WWC2: variants seen among roughly 807,000 people sequenced by gnomAD.
WWC2 encodes the protein protein WWC2.
A neutral mutation model predicts 138.5 loss-of-function variants in WWC2; 101 were observed. The ratio of observed to expected loss-of-function variants is 0.73; its 90% CI spans 0.62 to 0.86. WWC2 has a LOEUF of 0.86. Among genes scored for constraint, WWC2 ranks in the 40% least tolerant of loss-of-function variants. WWC2 has a pLI of 0.00. For missense variants in WWC2, 1,420 were observed against 1,419.4 expected, an observed-to-expected ratio of 1.00 and a Z score of -0.01; for synonymous variants, 558 against 538.4, an observed-to-expected ratio of 1.04 and a Z score of -0.50.
intron 12 of WWC2, 116 bp from the exon 13 acceptor site, chr4:183,265,572 G>A: frequency 3.9e-6 from 4 of 1,023,692 alleles, no homozygotes; most frequent in Non-Finnish European, 4.4e-6. Flanking sequence ...CCACTGGGAG[G>A]GCATAGGAGT....
chr4:183,130,785 A>G (rs1375746413), intron 1 of WWC2, among the ~76,000 whole-genome samples: 2 of 152,144 alleles, frequency 1.3e-5, no homozygotes, highest in East Asian at 1.9e-4. Flanking sequence ...ATTTGTACCT[A>G]ACAAGTCACC....
chr4:183,118,983 C>T (rs1203340388), intron 1 of WWC2, among the ~76,000 whole-genome samples: 1 of 151,848 alleles, frequency 6.6e-6, no homozygotes. Context: ...TTCTTAAAGA[C>T]TCCTTTTGTC....
At chr4:183,180,415 G>A (rs965882757) in intron 1 of WWC2, among the ~76,000 whole-genome samples, 1 of 152,030 alleles carries the variant, frequency 6.6e-6, no homozygotes, top group Non-Finnish European at 1.5e-5. Flanking sequence ...TTTAGTATTC[G>A]TAGAATACTG....
intron 1 of WWC2, among the ~76,000 whole-genome samples, chr4:183,135,756 G>A (rs1257013265): frequency 6.6e-6 from 1 of 152,028 alleles, no homozygotes; most frequent in Non-Finnish European, 1.5e-5. Flanking sequence ...AGATCTGCTG[G>A]TTGCACGCTC....
intron 9 of WWC2, among the ~76,000 whole-genome samples, chr4:183,254,767 A>G (rs1404723807): frequency 6.6e-6 from 1 of 152,204 alleles, no homozygotes; most frequent in Admixed American, 6.5e-5. Context: ...CCAGCCAGTA[A>G]ACAGCAGTGC....
chr4:183,307,138 G>C (rs1370195639), intron 21 of WWC2, among the ~76,000 whole-genome samples: 1 of 152,152 alleles, frequency 6.6e-6, no homozygotes, highest in African/African-American at 2.4e-5. Context: ...TACACTGTCT[G>C]TTTTTACCAC....
intron 14 of WWC2, among the ~76,000 whole-genome samples, chr4:183,266,855 GTGATAAGACTTTTAATAGAAT>G: frequency 6.6e-6 from 1 of 152,292 alleles, no homozygotes; most frequent in South Asian, 2.1e-4. Context: ...ATATTCCTTA[GTGATAAGACTTTTAATAGAAT>G]AAATTAAAGA....
intron 1 of WWC2, among the ~76,000 whole-genome samples, chr4:183,125,270 G>A (rs1732726115): frequency 6.6e-6 from 1 of 152,096 alleles, no homozygotes; most frequent in Admixed American, 6.5e-5. Context: ...CTGCTTTTGG[G>A]TGCTGTGTTC....
chr4:183,260,509 G>A (rs1364365715), intron 10 of WWC2, among the ~76,000 whole-genome samples: 3 of 152,188 alleles, frequency 2.0e-5, no homozygotes, highest in Non-Finnish European at 2.9e-5. Flanking sequence ...TTTTTACTGT[G>A]CTTTTTCTAG....
At chr4:183,145,932 G>A (rs976065382) in intron 1 of WWC2, among the ~76,000 whole-genome samples, 3 of 152,186 alleles carry the variant, frequency 2.0e-5, no homozygotes, top group South Asian at 2.1e-4. Flanking sequence ...CCCTGTCAGA[G>A]ATACTACAAT....
chr4:183,259,158 A>C (rs535847298), intron 9 of WWC2, among the ~76,000 whole-genome samples: 87 of 152,300 alleles, frequency 5.7e-4, no homozygotes, highest in Middle Eastern at 6.8e-3. Context: ...AATTCTTATC[A>C]AATCAGGGTT....
rs1732818521 is a variant in WWC2 at position 183,128,244 on chromosome 4, C to T, written c.131+28622C>T. Reference sequence around the variant, plus strand: ...GTGCCAGCTAGTCAGGAGGCTGAGGCAGAAGAATTGCTTGAACTTGGAAGG... The same window carrying T: ...GTGCCAGCTAGTCAGGAGGCTGAGGTAGAAGAATTGCTTGAACTTGGAAGG... On this transcript the variant is annotated intron_variant, in intron 1 of 22. Transcript: ENST00000403733. Among the ~76,000 whole-genome samples, 3 of 152,012 alleles carry T rather than the reference C, an allele frequency of 2.0e-5. No individual in the cohort carries two copies. The South Asian group carries it at 6.2e-4, about 32-fold the overall frequency.
intron 1 of WWC2, among the ~76,000 whole-genome samples, chr4:183,161,601 A>T (rs578259600): frequency 6.6e-6 from 1 of 152,214 alleles, no homozygotes; most frequent in Non-Finnish European, 1.5e-5. Flanking sequence ...GACTGCATAT[A>T]TAACAGTGGT....
chr4:183,194,384 C>A (rs1475152606), intron 2 of WWC2, among the ~76,000 whole-genome samples: 2 of 152,106 alleles, frequency 1.3e-5, no homozygotes, highest in African/African-American at 4.8e-5. Context: ...ATATGAATAT[C>A]TAGCACTCTA....
At chr4:183,110,160 C>T (rs967817083) in intron 1 of WWC2, among the ~76,000 whole-genome samples, 2 of 152,074 alleles carry the variant, frequency 1.3e-5, no homozygotes, top group Admixed American at 6.6e-5. Flanking sequence ...AGATACCAGG[C>T]GCTGCTATAT....
chr4:183,267,595 C>T (rs1377687875), intron 14 of WWC2, among the ~76,000 whole-genome samples: 1 of 152,194 alleles, frequency 6.6e-6, no homozygotes, highest in Non-Finnish European at 1.5e-5. Context: ...TGTAAGGGTG[C>T]ACCTGCAATA....
At chr4:183,148,693 G>C in intron 1 of WWC2, among the ~76,000 whole-genome samples, 1 of 152,136 alleles carries the variant, frequency 6.6e-6, no homozygotes, top group East Asian at 1.9e-4. Flanking sequence ...GTGTTCCTAT[G>C]CAACTTCTGT....
At position 183,265,727 on chromosome 4, in the gene WWC2, T is replaced by G; in HGVS notation, c.2079T>G (p.Asp693Glu). The G allele has an allele frequency of 6.2e-7, 1 of 1,611,882 alleles. No individual in the cohort carries two copies. The highest frequency in any genetic ancestry group is 1.1e-5 in the South Asian group (1 of 90,288). Residue 693 changes from aspartate (D) to glutamate (E), a missense_variant, in exon 13 of 23, where the codon GAT becomes GAG. Asp to Glu is a conservative substitution (Grantham distance 45). Transcript: ENST00000403733. ...AAGATGTCACATACAGTGAAGAGGA[T>G]GTAGCCATTGTAGAGACCGCCCAGG... ...EMEDVTYSEEDVAIVETAQVQ... is the reference protein window; with the variant it reads ...EMEDVTYSEEEVAIVETAQVQ...
intron 1 of WWC2, among the ~76,000 whole-genome samples, chr4:183,143,088 CATA>C (rs1306618553): frequency 6.6e-6 from 1 of 152,124 alleles, no homozygotes; most frequent in Non-Finnish European, 1.5e-5. Flanking sequence ...CTTTGGAATT[CATA>C]ATGAGACACT....
Sources: allele counts gnomAD v4.1 joint callset (sites outside exome capture counted in the v4.1 genomes callset), GRCh38; gene constraint gnomAD v4.1.1; transcripts MANE v1.5; gene names NCBI Gene and HGNC (gene_info 2026-07-23, HGNC 2026-07-21).